The following DNER variants were observed in gnomAD, a reference collection of about 807,000 sequenced individuals.
DNER encodes the protein delta and Notch-like epidermal growth factor-related receptor.
In DNER, 33 loss-of-function variants were observed where a neutral mutation model predicts 78.2. The ratio of observed to expected loss-of-function variants is 0.42; its 90% CI spans 0.32 to 0.56. The LOEUF (loss-of-function observed/expected upper bound fraction) is 0.56, where lower values mean the gene tolerates loss of function less well. Ranked by LOEUF, DNER falls within the 20% of genes least tolerant of loss-of-function variation. The pLI is 0.11. For synonymous variants in DNER, 417 were observed against 384.8 expected (o/e 1.08, Z -0.98); for missense variants, 918 against 975.3 (o/e 0.94, Z 0.78).
In DNER at chr2:229,580,678, C is replaced by T. The variant is rs564402484; in HGVS notation, c.847+5180G>A. Reference sequence around the variant, plus strand: ...AAAATTTCAGATGGAGGTAACAAAACGAACCATAAGAAAGAAAAGTGTGCA... The same window carrying T: ...AAAATTTCAGATGGAGGTAACAAAATGAACCATAAGAAAGAAAAGTGTGCA... On this transcript the variant is annotated intron_variant, in intron 4 of 12. Coordinates refer to ENST00000341772, the MANE Select transcript of DNER (RefSeq NM_139072.4). 2.2e-4 allele frequency among the ~76,000 whole-genome samples: 34 copies of T among 152,160 alleles called. No individual in the cohort carries two copies. In the South Asian group the frequency reaches 4.4e-3, roughly 20 times the overall value.
rs1041086399 is a variant in DNER, at chr2:229,591,647, A to G, written c.518T>C (p.Val173Ala). The change falls in exon 2 of 13, where the codon GTG becomes GCG. Residue 173 changes from valine to alanine, a missense_variant. Coordinates refer to ENST00000341772, the MANE Select transcript of DNER (RefSeq NM_139072.4). This position sits in a 1 kb window ranked among gnomAD's most constrained non-coding sequence, Gnocchi z 4.6. ...DKILPRSQATVTLPTWQPKTG... is the reference protein window; with the variant it reads ...DKILPRSQATATLPTWQPKTG... ...TTTCGGCTGCCAGGTAGGCAGTGTC[A>G]CCGTTGCCTGAGAGCGAGGCAGGAT... 3 of 1,614,026 alleles carry G rather than the reference A, an allele frequency of 1.9e-6. No homozygotes were observed. In the African/African-American group the frequency reaches 4.0e-5, roughly 22 times the overall value.
In DNER at chr2:229,485,821, A is replaced by AT. The variant is rs1216240398; in HGVS notation, c.1148-8569_1148-8568insA. Among the ~76,000 whole-genome samples the AT allele has an allele frequency of 3.3e-5, 5 of 150,954 alleles. No homozygotes were observed. The South Asian group carries it at 1.0e-3, about 32-fold the overall frequency. ...TCATGATTTCTCTACTGAAATAATA[A>AT]AAAAAAAAATTCTCCTGTGTTGCTT... On this transcript the variant is annotated intron_variant, in intron 6 of 12. Coordinates refer to ENST00000341772, the MANE Select transcript of DNER (RefSeq NM_139072.4).
intron 6 of DNER, among the ~76,000 whole-genome samples, chr2:229,512,420 C>T (rs1016391995): frequency 6.0e-5 from 9 of 151,088 alleles, no homozygotes; most frequent in Non-Finnish European, 1.2e-4. Flanking sequence ...TTCACAGCAA[C>T]CTGGATGGGA....
In DNER at chr2:229,644,334, CTTTTTTTTTTT is replaced by C. The variant is rs5839345; in HGVS notation, c.277-52457_277-52447del. On this transcript the variant is annotated intron_variant, in intron 1 of 12. Transcript: ENST00000341772. ...AAGTATGATGACTGTCTTGCTTTCT[CTTTTTTTTTTT>C]TTTTTTTTTTTTTTTTGAGCTGGAG... Among the ~76,000 whole-genome samples the C allele has an allele frequency of 2.6e-3, 257 of 97,548 alleles. 1 individual carries two copies. The highest frequency in any genetic ancestry group is 7.2e-3 in the African/African-American group (161 of 22,332). The allele number at this position is 97,548 out of a possible 152,430, so 64.0% of individuals were successfully genotyped here. A position where few individuals can be genotyped will look rare whatever the true frequency, so the allele number is the denominator to read the frequency against.
At chr2:229,597,052 C>T (rs1347202392) in intron 1 of DNER, among the ~76,000 whole-genome samples, 1 of 151,900 alleles carries the variant, frequency 6.6e-6, no homozygotes, top group East Asian at 1.9e-4. Flanking sequence ...TACACACATG[C>T]ACGCACACAC....
At chr2:229,484,677 G>C (rs1695233872) in intron 6 of DNER, among the ~76,000 whole-genome samples, 1 of 152,058 alleles carries the variant, frequency 6.6e-6, no homozygotes, top group Non-Finnish European at 1.5e-5. Flanking sequence ...GGTGTGACTG[G>C]CATCTAGTAG....
At chr2:229,427,355 C>A (rs1017090982) in intron 8 of DNER, among the ~76,000 whole-genome samples, 2 of 152,168 alleles carry the variant, frequency 1.3e-5, no homozygotes, top group African/African-American at 4.8e-5. Context: ...CCTCCTTGAT[C>A]GATTCATTCT....
chr2:229,574,590 C>T (rs1020832808), intron 4 of DNER, among the ~76,000 whole-genome samples: 10 of 152,092 alleles, frequency 6.6e-5, no homozygotes, highest in Admixed American at 6.5e-4. Flanking sequence ...AATGTAAACA[C>T]TGGTTGTCAG....
chr2:229,628,726 A>T (rs149018093), intron 1 of DNER, among the ~76,000 whole-genome samples: 1 of 152,298 alleles, frequency 6.6e-6, no homozygotes, highest in African/African-American at 2.4e-5. Context: ...ACTGCAACCC[A>T]GCTTCCTGAG....
chr2:229,486,493 G>C (rs1437630794), intron 6 of DNER, among the ~76,000 whole-genome samples: 1 of 152,166 alleles, frequency 6.6e-6, no homozygotes, highest in Non-Finnish European at 1.5e-5. Flanking sequence ...ACAGTGGCTT[G>C]GGGAGTGGAA....
At chr2:229,539,454 G>T (rs982322127) in intron 5 of DNER, among the ~76,000 whole-genome samples, 1 of 152,178 alleles carries the variant, frequency 6.6e-6, no homozygotes, top group Admixed American at 6.5e-5. Flanking sequence ...TTCCCAAAGG[G>T]TTACTACAAC....
Position 229,628,321 on chromosome 2 carries a change from G to A in DNER, c.277-36433C>T, listed in dbSNP as rs1190758596. ...TCAGGCACTCCTGCTGGTGTCTCAT[G>A]CACCAGAGACAAATTCCTCAACAGA... is the stretch of plus-strand genomic sequence containing the variant. On this transcript the variant is annotated intron_variant, in intron 1 of 12. Coordinates refer to ENST00000341772, the MANE Select transcript of DNER (RefSeq NM_139072.4). 2.0e-5 allele frequency among the ~76,000 whole-genome samples: 3 copies of A among 152,278 alleles called. No individual in the cohort carries two copies. The East Asian group carries it at 5.8e-4, about 29-fold the overall frequency.
intron 5 of DNER, among the ~76,000 whole-genome samples, chr2:229,544,266 A>G (rs13387921): frequency 0.068 from 10,367 of 152,096 alleles, 1,149 homozygotes; most frequent in African/African-American, 0.23. Context: ...AGGAGGGCAC[A>G]GGATGTAAAG....
chr2:229,484,107 A>G (rs1695222567), intron 6 of DNER, among the ~76,000 whole-genome samples: 1 of 152,104 alleles, frequency 6.6e-6, no homozygotes, highest in Non-Finnish European at 1.5e-5. Flanking sequence ...TGGCACAATT[A>G]TTTGTTGAAG....
intron 11 of DNER, among the ~76,000 whole-genome samples, chr2:229,375,821 G>C (rs1013893301): frequency 6.6e-6 from 1 of 152,126 alleles, no homozygotes; most frequent in African/African-American, 2.4e-5. Flanking sequence ...CATACAGTTA[G>C]GCTTTGTGTC....
Position 229,714,196 on chromosome 2 carries a change from A to T in DNER, c.228T>A (p.Pro76=). The change falls in exon 1 of 13, where the codon CCT becomes CCA. Residue 76 remains proline (P), a synonymous_variant. Coordinates refer to ENST00000341772, the MANE Select transcript of DNER (RefSeq NM_139072.4). ...DPQHPAPAGE[P]GYSCTCPAGI... ...CGGCGGGGCAGGTGCAGCTGTAGCC[A>T]GGCTCGCCGGCGGGGGCCGGGTGCT... The T allele has an allele frequency of 7.3e-7, 1 of 1,375,316 alleles. No individual in the cohort carries two copies. The highest frequency in any genetic ancestry group is 9.4e-7 in the Non-Finnish European group (1 of 1,068,300). 85.2% of individuals were successfully genotyped at this position (1,375,316 alleles called of 1,614,324 possible).
chr2:229,485,009 T>C (rs774580551), intron 6 of DNER, among the ~76,000 whole-genome samples: 1 of 152,184 alleles, frequency 6.6e-6, no homozygotes, highest in Non-Finnish European at 1.5e-5. Flanking sequence ...CCTAAGAACC[T>C]GAGGAATTTA....
At chr2:229,614,091 T>G (rs1430213817) in intron 1 of DNER, among the ~76,000 whole-genome samples, 8 of 151,662 alleles carry the variant, frequency 5.3e-5, no homozygotes, top group African/African-American at 1.9e-4. Context: ...GACGAGTTAA[T>G]GGGTGCAGCA....
chr2:229,484,333 T>C (rs767887551), intron 6 of DNER, among the ~76,000 whole-genome samples: 2 of 152,240 alleles, frequency 1.3e-5, no homozygotes, highest in African/African-American at 4.8e-5. Context: ...GCTGCCATCA[T>C]GGTCTGTACA....
Sources: allele counts gnomAD v4.1 joint callset (sites outside exome capture counted in the v4.1 genomes callset), GRCh38; gene constraint gnomAD v4.1.1; non-coding constraint Gnocchi (gnomAD v3.1); transcripts MANE v1.5; gene names NCBI Gene and HGNC (gene_info 2026-07-23, HGNC 2026-07-21).